CAMK2B: variants seen among roughly 807,000 people sequenced by gnomAD.
CAMK2B encodes the protein calcium/calmodulin dependent protein kinase II beta.
CAMK2B carries 27 observed loss-of-function variants against 93.7 expected under a neutral mutation model. The observed-to-expected ratio is 0.29, with a 90% CI of 0.21 to 0.40. The LOEUF (loss-of-function observed/expected upper bound fraction) is 0.40, where lower values mean the gene tolerates loss of function less well. Ranked by LOEUF, CAMK2B falls within the 10% of genes least tolerant of loss-of-function variation. CAMK2B has a pLI of 1.00. For synonymous variants in CAMK2B, 374 were observed against 358.8 expected (o/e 1.04, Z -0.48); for missense variants, 568 against 895.8 (o/e 0.63, Z 4.67).
intron 4 of CAMK2B, among the ~76,000 whole-genome samples, chr7:44,256,279 A>G (rs559097125): frequency 6.6e-6 from 1 of 152,308 alleles, no homozygotes; most frequent in South Asian, 2.1e-4. Flanking sequence ...GTGTGTGTGC[A>G]CGTGTTCACA....
At position 44,224,989 on chromosome 7, in the gene CAMK2B, C is replaced by T. The variant is rs115782552; in HGVS notation, c.1597+1527G>A. ...CCCAGCCCCTCCCAGGAGGGCCACA[C>T]GAATCTCCATCCTGCCCTGCTCACA... On this transcript the variant is annotated intron_variant, in intron 20 of 23. Transcript: ENST00000395749. The surrounding 1 kb of genome is among the most constrained non-coding windows in gnomAD (Gnocchi z 4.4). Among the ~76,000 whole-genome samples the T allele has an allele frequency of 8.3e-3, 1,266 of 152,164 alleles. 18 individuals carry two copies. Among genetic ancestry groups the T allele is most frequent in the African/African-American group, 0.029 (1,194 of 41,522 alleles).
intron 1 of CAMK2B, among the ~76,000 whole-genome samples, chr7:44,291,285 G>A (rs1051922125): frequency 3.3e-5 from 5 of 152,146 alleles, no homozygotes; most frequent in Admixed American, 6.5e-5. Context: ...CGGACAAGCA[G>A]GTGCCCCGCC....
At position 44,237,803 on chromosome 7, in the gene CAMK2B, G is replaced by T. The variant is rs190918739; in HGVS notation, c.1021+1786C>A. ...CTCAGACACCTGGGTTGGGGGTTCT[G>T]CAGGCCTCTGTGGGACAAGGAGAGA... On this transcript the variant is annotated intron_variant, in intron 13 of 23. Transcript: ENST00000395749. Among the ~76,000 whole-genome samples, 93 of 152,352 alleles carry T rather than the reference G, an allele frequency of 6.1e-4. 1 individual carries two copies. The East Asian group carries it at 0.017, about 28-fold the overall frequency.
chr7:44,232,869 A>G lies in CAMK2B; in HGVS notation c.1132-3T>C. 1 of 1,613,616 alleles carries G rather than the reference A, an allele frequency of 6.2e-7. No homozygotes were observed. Among genetic ancestry groups the G allele is most frequent in the Non-Finnish European group, 8.5e-7 (1 of 1,179,612 alleles). ...TGGATGACGGTGGTTTGAGGCTCCT[A>G]CAGAAGAAGGAAGACACAGAGGAAG... is the stretch of plus-strand genomic sequence containing the variant. On this transcript the variant is annotated splice_region_variant and splice_polypyrimidine_tract_variant and intron_variant, in intron 15 of 23. Transcript: ENST00000395749.
At chr7:44,288,058 G>C (rs1563029040) in intron 1 of CAMK2B, among the ~76,000 whole-genome samples, 1 of 152,256 alleles carries the variant, frequency 6.6e-6, no homozygotes, top group South Asian at 2.1e-4. Context: ...CAGCCCAGCA[G>C]TACAGGAAGA....
intron 20 of CAMK2B, 150 bp downstream of exon 20, chr7:44,226,366 C>T (rs2096478384): frequency 1.6e-6 from 1 of 610,520 alleles, no homozygotes; most frequent in Non-Finnish European, 2.6e-6. Context: ...CCTTCATGTG[C>T]TTCAAAGCAA....
intron 13 of CAMK2B, among the ~76,000 whole-genome samples, chr7:44,237,144 C>T (rs1475630472): frequency 6.6e-6 from 1 of 152,250 alleles, no homozygotes; most frequent in African/African-American, 2.4e-5. Flanking sequence ...AGCAGCAGAA[C>T]TGAGCTCTTT....
At chr7:44,283,620 C>T (rs1584578338) in intron 2 of CAMK2B, among the ~76,000 whole-genome samples, 2 of 152,246 alleles carry the variant, frequency 1.3e-5, no homozygotes, top group African/African-American at 4.8e-5. Flanking sequence ...TAGGCCATGA[C>T]GCCAGGACTC....
chr7:44,323,047 C>G (rs1158680707), intron 1 of CAMK2B, among the ~76,000 whole-genome samples: 2 of 152,242 alleles, frequency 1.3e-5, no homozygotes, highest in Non-Finnish European at 2.9e-5. Flanking sequence ...CCTCAGACAT[C>G]CCCCTTAGGT....
intron 1 of CAMK2B, among the ~76,000 whole-genome samples, chr7:44,295,720 C>T (rs942236505): frequency 8.5e-5 from 13 of 152,190 alleles, no homozygotes; most frequent in African/African-American, 1.2e-4. Flanking sequence ...TATGCCACGG[C>T]GTTCTGTTCT....
At chr7:44,263,212 GCACCCCCT>G in intron 2 of CAMK2B, 148 bp from the exon 3 acceptor site, 1 of 667,074 alleles carries the variant, frequency 1.5e-6, no homozygotes, top group Non-Finnish European at 2.4e-6. Context: ...ACCCTTCGTG[GCACCCCCT>G]GGGCCACTGG....
chr7:44,298,692 A>T (rs1461606961), intron 1 of CAMK2B, among the ~76,000 whole-genome samples: 1 of 152,214 alleles, frequency 6.6e-6, no homozygotes, highest in African/African-American at 2.4e-5. Flanking sequence ...GAAACAAACA[A>T]GCCAATTCAA....
intron 1 of CAMK2B, among the ~76,000 whole-genome samples, chr7:44,299,151 T>C (rs1004837695): frequency 6.6e-6 from 1 of 152,152 alleles, no homozygotes; most frequent in Non-Finnish European, 1.5e-5. Flanking sequence ...AAATGGCCAT[T>C]GACAGAAGAA....
rs1259698014 is a variant in CAMK2B, at chr7:44,217,237, G to GA, written c.*2287dup. The GA allele has an allele frequency of 1.3e-5, 2 of 152,624 alleles. No individual in the cohort carries two copies. Among genetic ancestry groups the GA allele is most frequent in the Non-Finnish European group, 2.9e-5 (2 of 68,042 alleles). 9.5% of individuals were successfully genotyped at this position (152,624 alleles called of 1,614,324 possible). The stretch of plus-strand genomic sequence containing the variant: ...TTTGTACACTTACAAGGCTCAGAAA[G>GA]AAAAGACAATGAAACTCAGCAAAAA... On this transcript the variant is annotated 3_prime_UTR_variant, in exon 24 of 24. Coordinates refer to ENST00000395749, the MANE Select transcript of CAMK2B (RefSeq NM_001220.5).
chr7:44,287,791 G>A (rs1490036849), intron 1 of CAMK2B, among the ~76,000 whole-genome samples: 3 of 152,126 alleles, frequency 2.0e-5, no homozygotes, highest in African/African-American at 4.8e-5. Flanking sequence ...ACAGCTCCCC[G>A]CTTTCCCAGC....
At chr7:44,234,803 G>A (rs1450804408) in intron 13 of CAMK2B, 127 bp from the exon 14 acceptor site, 2 of 990,164 alleles carry the variant, frequency 2.0e-6, no homozygotes, top group Non-Finnish European at 3.1e-6. Context: ...GGCAAGTGTG[G>A]TTCCAGCACC....
intron 1 of CAMK2B, among the ~76,000 whole-genome samples, chr7:44,292,881 C>G (rs1787241427): frequency 6.6e-6 from 1 of 152,196 alleles, no homozygotes; most frequent in Non-Finnish European, 1.5e-5. Context: ...AGGCAGAAAC[C>G]TCTCCTGTCC....
intron 1 of CAMK2B, among the ~76,000 whole-genome samples, chr7:44,317,763 G>C (rs1017667169): frequency 6.6e-6 from 1 of 152,090 alleles, no homozygotes; most frequent in Admixed American, 6.5e-5. Flanking sequence ...TGGGCGGTGG[G>C]GTAGTAATGT....
At chr7:44,240,284 T>C (rs1428045821) in intron 12 of CAMK2B, among the ~76,000 whole-genome samples, 1 of 152,116 alleles carries the variant, frequency 6.6e-6, no homozygotes, top group African/African-American at 2.4e-5. Flanking sequence ...ATCCAGAACT[T>C]GGAAGGAGGC....
Sources: allele counts gnomAD v4.1 joint callset (sites outside exome capture counted in the v4.1 genomes callset), GRCh38; gene constraint gnomAD v4.1.1; non-coding constraint Gnocchi (gnomAD v3.1); transcripts MANE v1.5; gene names NCBI Gene and HGNC (gene_info 2026-07-23, HGNC 2026-07-21).